The following GSK3B variants were observed in gnomAD, a reference collection of about 807,000 sequenced individuals.
GSK3B encodes glycogen synthase kinase 3 beta, also known as glycogen synthase kinase-3 beta.
In GSK3B, 15 loss-of-function variants were observed where a neutral mutation model predicts 56.4. That is an observed-to-expected ratio of 0.27 (90% CI 0.18 to 0.41). The LOEUF is 0.41. Among genes scored for constraint, GSK3B ranks in the 10% least tolerant of loss-of-function variants. The probability of loss-of-function intolerance (pLI) is 1.00; values close to 1 mark genes in which losing one functional copy is unlikely to be tolerated. For synonymous variants in GSK3B, 181 were observed against 188.9 expected (o/e 0.96, Z 0.34); for missense variants, 300 against 513.4 (o/e 0.58, Z 4.02).
intron 1 of GSK3B, among the ~76,000 whole-genome samples, chr3:120,069,396 A>G (rs2058308313): frequency 6.6e-6 from 1 of 152,236 alleles, no homozygotes; most frequent in South Asian, 2.1e-4. Flanking sequence ...TATTCTGCTT[A>G]ACTCAATTCA....
rs994354970 is a variant in GSK3B, at chr3:119,824,022, A to G, written c.*2766T>C. 1.5e-5 allele frequency: 3 copies of G among 203,154 alleles called. No homozygotes were observed. The highest frequency in any genetic ancestry group is 4.6e-5 in the African/African-American group (2 of 43,664). 12.6% of individuals were successfully genotyped at this position (203,154 alleles called of 1,614,324 possible). The stretch of plus-strand genomic sequence containing the variant: ...TAATACAGGCCGGTACCTACTGTAC[A>G]GAGTTAAAACTATATGGCTTTAAAA... On this transcript the variant is annotated 3_prime_UTR_variant, in exon 11 of 11. Transcript: ENST00000264235.
At chr3:120,062,672 G>A (rs2058247981) in intron 1 of GSK3B, among the ~76,000 whole-genome samples, 2 of 152,148 alleles carry the variant, frequency 1.3e-5, no homozygotes, top group African/African-American at 2.4e-5. Flanking sequence ...GGAGGTAGTC[G>A]CTGTCCTAGG....
chr3:120,038,046 T>C lies in GSK3B; in HGVS notation c.89-35807A>G, dbSNP rs1450482601. ...TATATTAAATATTGTTCATTTAACC[T>C]AAAAATACATTTACATACAAGGAAA... On this transcript the variant is annotated intron_variant, in intron 1 of 10. Coordinates refer to ENST00000264235, the MANE Select transcript of GSK3B (RefSeq NM_001146156.2). Among the ~76,000 whole-genome samples the C allele has an allele frequency of 2.6e-5, 4 of 152,318 alleles. No homozygotes were observed. In the East Asian group the frequency reaches 7.7e-4, roughly 29 times the overall value.
intron 1 of GSK3B, among the ~76,000 whole-genome samples, chr3:120,073,712 TAAGAG>T: frequency 1.3e-5 from 2 of 152,308 alleles, no homozygotes; most frequent in Admixed American, 1.3e-4. Flanking sequence ...GTGGAGCAAT[TAAGAG>T]AACAGGTTCG....
At chr3:120,013,444 C>T (rs1253504658) in intron 1 of GSK3B, among the ~76,000 whole-genome samples, 1 of 152,166 alleles carries the variant, frequency 6.6e-6, no homozygotes, top group Non-Finnish European at 1.5e-5. Context: ...ATAAGGTGTA[C>T]TACAAACTGA....
chr3:119,986,584 G>T (rs61188334), intron 2 of GSK3B, among the ~76,000 whole-genome samples: 3,933 of 152,024 alleles, frequency 0.026, 173 homozygotes, highest in African/African-American at 0.089. Flanking sequence ...ACGAAAAAAT[G>T]CTCATCATCA....
rs749620274 is a variant in GSK3B at position 119,843,277 on chromosome 3, G to C, written c.1173C>G (p.Pro391=). 3.7e-6 allele frequency: 6 copies of C among 1,608,778 alleles called. No homozygotes were observed. The highest frequency in any genetic ancestry group is 5.1e-6 in the Non-Finnish European group (6 of 1,176,036). ...TACCTGACGCTGCTGTGGCATTTGTGGGGGTTGAAGCAGCTGCTTGAATCC... is the reference window on the plus strand; with the variant it reads ...TACCTGACGCTGCTGTGGCATTTGTCGGGGTTGAAGCAGCTGCTTGAATCC... ...HARIQAAAST[P]TNATAASDAN... The change falls in exon 10 of 11, where the codon CCC becomes CCG. Residue 391 remains proline, a synonymous_variant. Coordinates refer to ENST00000264235, the MANE Select transcript of GSK3B (RefSeq NM_001146156.2).
intron 3 of GSK3B, among the ~76,000 whole-genome samples, chr3:119,925,251 C>T (rs1368895330): frequency 2.6e-5 from 4 of 152,172 alleles, no homozygotes; most frequent in Non-Finnish European, 4.4e-5. Context: ...ATGGCTTCAG[C>T]CTGGGAGGCA....
intron 3 of GSK3B, among the ~76,000 whole-genome samples, chr3:119,944,042 T>C (rs1021291161): frequency 2.0e-5 from 3 of 152,184 alleles, no homozygotes; most frequent in Admixed American, 6.5e-5. Flanking sequence ...AGAGATGTTA[T>C]AGAGAATGAG....
chr3:119,853,147 G>C (rs1162976055), intron 9 of GSK3B, among the ~76,000 whole-genome samples: 2 of 152,186 alleles, frequency 1.3e-5, no homozygotes, highest in Admixed American at 1.3e-4. Context: ...CATATGGCTA[G>C]CCAGTTTTCC....
At chr3:120,038,131 T>C (rs1323839898) in intron 1 of GSK3B, among the ~76,000 whole-genome samples, 2 of 152,190 alleles carry the variant, frequency 1.3e-5, no homozygotes, top group Admixed American at 1.3e-4. Context: ...AATTCGGAAT[T>C]TATCCCAGAG....
At chr3:119,962,301 G>C (rs1439774335) in intron 2 of GSK3B, among the ~76,000 whole-genome samples, 3 of 151,780 alleles carry the variant, frequency 2.0e-5, no homozygotes, top group Non-Finnish European at 4.4e-5. Flanking sequence ...CTTGAACCTG[G>C]GAGGCAGAGG....
intron 7 of GSK3B, among the ~76,000 whole-genome samples, chr3:119,876,788 G>A (rs2056319920): frequency 6.6e-6 from 1 of 152,110 alleles, no homozygotes; most frequent in African/African-American, 2.4e-5. Flanking sequence ...AGTGGAAGCA[G>A]GATTGTTATT....
chr3:119,838,008 C>T (rs1262337172), intron 10 of GSK3B, among the ~76,000 whole-genome samples: 1 of 149,194 alleles, frequency 6.7e-6, no homozygotes, highest in Non-Finnish European at 1.5e-5. Flanking sequence ...TGAATTTTGG[C>T]TGGCCACAGT....
At chr3:119,966,441 C>A (rs1285761145) in intron 2 of GSK3B, among the ~76,000 whole-genome samples, 2 of 152,014 alleles carry the variant, frequency 1.3e-5, no homozygotes, top group African/African-American at 2.4e-5. Context: ...CAAGAAGAAA[C>A]AAATTTAGAG....
chr3:120,021,558 C>T (rs1369792790), intron 1 of GSK3B, among the ~76,000 whole-genome samples: 2 of 151,384 alleles, frequency 1.3e-5, no homozygotes, highest in African/African-American at 4.9e-5. Context: ...GGAACAGGAA[C>T]AGGAGTTTGG....
chr3:119,840,571 G>A (rs2055757088), intron 10 of GSK3B, among the ~76,000 whole-genome samples: 1 of 152,110 alleles, frequency 6.6e-6, no homozygotes, highest in Non-Finnish European at 1.5e-5. Flanking sequence ...AACTCACAAT[G>A]ACAAATTCTT....
At chr3:119,949,934 T>C (rs1444792236) in intron 2 of GSK3B, among the ~76,000 whole-genome samples, 7 of 152,120 alleles carry the variant, frequency 4.6e-5, no homozygotes, top group African/African-American at 1.7e-4. Flanking sequence ...GAAATCCTTA[T>C]ACGACATTCA....
At chr3:119,932,842 G>A (rs1290667114) in intron 3 of GSK3B, among the ~76,000 whole-genome samples, 1 of 152,158 alleles carries the variant, frequency 6.6e-6, no homozygotes, top group African/African-American at 2.4e-5. Flanking sequence ...GGGTACGGTG[G>A]CTCACGCTTG....
Sources: gnomAD v4.1 joint callset for allele counts (sites outside exome capture counted in the v4.1 genomes callset) on GRCh38, gnomAD v4.1.1 for gene constraint, MANE v1.5 for transcripts, NCBI Gene and HGNC (gene_info 2026-07-23, HGNC 2026-07-21) for gene names.